The following TTLL9 variants were observed in gnomAD, a reference collection of about 807,000 sequenced individuals.
TTLL9 encodes tubulin tyrosine ligase like 9, also known as probable tubulin polyglutamylase TTLL9.
Under a neutral mutation model 65.6 loss-of-function variants are expected in TTLL9, and 47 were observed. The observed-to-expected ratio is 0.72, with a 90% CI of 0.57 to 0.91. TTLL9 has a LOEUF of 0.91. Ranked by LOEUF, TTLL9 falls within the 40% of genes least tolerant of loss-of-function variation. TTLL9 has a pLI of 0.00. For synonymous variants in TTLL9, 179 were observed against 204.8 expected, an observed-to-expected ratio of 0.87 and a Z score of 1.07; for missense variants, 537 against 568.8, an observed-to-expected ratio of 0.94 and a Z score of 0.57.
chr20:31,917,919 T>C (rs1026277182), intron 6 of TTLL9, among the ~76,000 whole-genome samples: 2 of 152,196 alleles, frequency 1.3e-5, no homozygotes, highest in Non-Finnish European at 2.9e-5. Flanking sequence ...TATTAGAGGC[T>C]TGGACTGCTT....
At chr20:31,887,514 G>A (rs534502280) in intron 3 of TTLL9, among the ~76,000 whole-genome samples, 3 of 152,316 alleles carry the variant, frequency 2.0e-5, no homozygotes, top group African/African-American at 7.2e-5. Context: ...GCTCAAAAAG[G>A]CTAAGTGACT....
intron 2 of TTLL9, chr20:31,883,972 G>A (rs1404351923): frequency 9.0e-6 from 4 of 444,790 alleles, no homozygotes; most frequent in Non-Finnish European, 1.6e-5. Flanking sequence ...GAAATAAAAA[G>A]CATAAATATT....
chr20:31,910,878 A>G (rs1895773466), intron 6 of TTLL9, among the ~76,000 whole-genome samples: 1 of 152,194 alleles, frequency 6.6e-6, no homozygotes, highest in African/African-American at 2.4e-5. Flanking sequence ...ATTGGGGCTC[A>G]AAAATCTGAG....
chr20:31,908,470 C>A, intron 4 of TTLL9, 121 bp from the exon 5 acceptor site: 1 of 674,216 alleles, frequency 1.5e-6, no homozygotes, highest in South Asian at 1.7e-5. Context: ...CTCCAAGAGA[C>A]TCTAGAGGGA....
chr20:31,886,503 C>T (rs2063189728), intron 2 of TTLL9, among the ~76,000 whole-genome samples: 1 of 150,882 alleles, frequency 6.6e-6, no homozygotes, highest in Non-Finnish European at 1.5e-5. Context: ...TCAATTTAAT[C>T]AAACATTCCA....
intron 2 of TTLL9, chr20:31,879,798 G>T: frequency 1.9e-6 from 3 of 1,545,544 alleles, no homozygotes; most frequent in South Asian, 2.4e-5. Flanking sequence ...GGATCCAGGC[G>T]CCTGTCTGTC....
intron 9 of TTLL9, chr20:31,925,776 G>T (rs569354155): frequency 8.9e-7 from 1 of 1,122,308 alleles, no homozygotes; most frequent in Non-Finnish European, 1.3e-6. Flanking sequence ...AGGGCACTCC[G>T]GGTGGAGGAA....
chr20:31,871,125 G>T lies in TTLL9; in HGVS notation c.-2G>T. ...TTCCATCCATTTCGGCCCCTAGGAG[G>T]GATGGTGCCATCCAGGGAAGCTCTG... On this transcript the variant is annotated 5_prime_UTR_variant, in exon 2 of 15. Coordinates refer to ENST00000535842, the MANE Select transcript of TTLL9 (RefSeq NM_001008409.5). 1 of 1,614,020 alleles carries T rather than the reference G, an allele frequency of 6.2e-7. No individual in the cohort carries two copies. Among genetic ancestry groups the T allele is most frequent in the Non-Finnish European group, 8.5e-7 (1 of 1,179,976 alleles).
chr20:31,895,497 T>C (rs2063370395), intron 3 of TTLL9, among the ~76,000 whole-genome samples: 1 of 152,222 alleles, frequency 6.6e-6, no homozygotes, highest in East Asian at 1.9e-4. Flanking sequence ...TGCATGAGAC[T>C]CCTCCCTTCA....
chr20:31,920,229 G>GCACACACACACACACA (rs3046855), intron 7 of TTLL9, among the ~76,000 whole-genome samples: 1 of 150,426 alleles, frequency 6.6e-6, no homozygotes, highest in South Asian at 2.1e-4. Flanking sequence ...GCAAACACGC[G>GCACACACACACACACA]CACACACACA....
At position 31,943,188 on chromosome 20, in the gene TTLL9, G is replaced by A. The variant is rs2064249283; in HGVS notation, c.*167G>A. 1.5e-6 allele frequency: 1 copy of A among 662,528 alleles called. No homozygotes were observed. The allele number at this position is 662,528 out of a possible 1,614,324, so 41.0% of individuals were successfully genotyped here. ...CTTACTACCTGAATTGGGCCCCTTGGATACCTCCAGCCCATCCCCAGGCAT... is the reference window on the plus strand; with the variant it reads ...CTTACTACCTGAATTGGGCCCCTTGAATACCTCCAGCCCATCCCCAGGCAT... On this transcript the variant is annotated 3_prime_UTR_variant, in exon 15 of 15. Transcript: ENST00000535842.
intron 2 of TTLL9, among the ~76,000 whole-genome samples, chr20:31,882,627 T>A (rs73903675): frequency 0.12 from 18,691 of 151,794 alleles, 1,324 homozygotes; most frequent in Middle Eastern, 0.23. Context: ...GATAATTTTT[T>A]AAAAAAAAAC....
chr20:31,888,140 T>C (rs1203023149), intron 3 of TTLL9, among the ~76,000 whole-genome samples: 1 of 152,186 alleles, frequency 6.6e-6, no homozygotes, highest in Non-Finnish European at 1.5e-5. Flanking sequence ...TGCCTCGGCC[T>C]CCCAAAGTGT....
Position 31,943,607 on chromosome 20 carries a change from G to A in TTLL9, c.*586G>A, listed in dbSNP as rs2064260945. 2.6e-6 allele frequency: 1 copy of A among 385,500 alleles called. No homozygotes were observed. Among genetic ancestry groups the A allele is most frequent in the African/African-American group, 2.1e-5 (1 of 47,430 alleles). 23.9% of individuals were successfully genotyped at this position (385,500 alleles called of 1,614,324 possible). A position where few individuals can be genotyped will look rare whatever the true frequency, so the allele number is the denominator to read the frequency against. On this transcript the variant is annotated 3_prime_UTR_variant, in exon 15 of 15. Transcript: ENST00000535842. The stretch of plus-strand genomic sequence containing the variant: ...CATCCTCTTCTCCTTGCATGTCAGG[G>A]GAGCCCATGGGGCTCCCTGACCATC...
intron 4 of TTLL9, among the ~76,000 whole-genome samples, chr20:31,907,085 G>C (rs1195805628): frequency 1.3e-5 from 2 of 152,178 alleles, no homozygotes; most frequent in African/African-American, 4.8e-5. Context: ...TGGGAAAAAA[G>C]CATGTTGTGA....
intron 4 of TTLL9, among the ~76,000 whole-genome samples, chr20:31,908,002 A>C (rs995953669): frequency 3.4e-4 from 52 of 151,922 alleles, no homozygotes; most frequent in Non-Finnish European, 1.3e-4. Flanking sequence ...GGTGGTGGAG[A>C]ATGGGATCAG....
At chr20:31,912,473 C>A (rs1264370043) in intron 6 of TTLL9, among the ~76,000 whole-genome samples, 1 of 152,190 alleles carries the variant, frequency 6.6e-6, no homozygotes, top group East Asian at 1.9e-4. Flanking sequence ...GCATCCCACC[C>A]ACCCCAGAGT....
intron 2 of TTLL9, 134 bp downstream of exon 2, chr20:31,871,329 C>A: frequency 1.1e-6 from 1 of 874,610 alleles, no homozygotes; most frequent in Non-Finnish European, 1.9e-6. Context: ...CACCTCTGAC[C>A]TGCTAGATGA....
intron 2 of TTLL9, among the ~76,000 whole-genome samples, chr20:31,875,527 A>G (rs191740201): frequency 6.6e-5 from 10 of 152,202 alleles, no homozygotes; most frequent in Admixed American, 2.6e-4. Flanking sequence ...CTGACTTCCA[A>G]CTTCGCCTAA....
Sources: gnomAD v4.1 joint callset for allele counts (sites outside exome capture counted in the v4.1 genomes callset) on GRCh38, gnomAD v4.1.1 for gene constraint, MANE v1.5 for transcripts, NCBI Gene and HGNC (gene_info 2026-07-23, HGNC 2026-07-21) for gene names.